Variants in GRID2 observed in about 807,000 individuals in gnomAD.
GRID2 encodes glutamate receptor ionotropic, delta-2.
Under a neutral mutation model 114.8 loss-of-function variants are expected in GRID2, and 33 were observed. The observed-to-expected ratio is 0.29, with a 90% CI of 0.22 to 0.38. GRID2 has a LOEUF of 0.38. Among genes scored for constraint, GRID2 ranks in the 10% least tolerant of loss-of-function variants. The pLI is 1.00. For missense variants in GRID2, 1,184 were observed against 1,257.7 expected (o/e 0.94, Z 0.89); for synonymous variants, 505 against 449.9 (o/e 1.12, Z -1.55).
chr4:92,506,794 G>A (rs547442873), intron 1 of GRID2, among the ~76,000 whole-genome samples: 1 of 151,922 alleles, frequency 6.6e-6, no homozygotes, highest in Non-Finnish European at 1.5e-5. Context: ...ACAATAGGTT[G>A]ATGTGGTATG....
chr4:92,610,672 A>C (rs1265614026), intron 2 of GRID2, among the ~76,000 whole-genome samples: 2 of 151,638 alleles, frequency 1.3e-5, no homozygotes, highest in African/African-American at 2.4e-5. Context: ...CATCACCAAA[A>C]TCCATTTGTA....
At chr4:92,480,054 C>T (rs1460385491) in intron 1 of GRID2, among the ~76,000 whole-genome samples, 1 of 151,942 alleles carries the variant, frequency 6.6e-6, no homozygotes, top group Admixed American at 6.6e-5. Context: ...AACATGTTTT[C>T]CCTTCTGATT....
chr4:93,248,286 A>G (rs1293987650), intron 8 of GRID2, among the ~76,000 whole-genome samples: 1 of 152,218 alleles, frequency 6.6e-6, no homozygotes, highest in Non-Finnish European at 1.5e-5. Context: ...GCATTTGCTC[A>G]TATGGGTACT....
chr4:93,057,033 A>G (rs1462869927), intron 2 of GRID2, among the ~76,000 whole-genome samples: 1 of 151,946 alleles, frequency 6.6e-6, no homozygotes, highest in Non-Finnish European at 1.5e-5. Flanking sequence ...ATTGGTAATG[A>G]GAATAAGCAT....
rs28639512 is a variant in GRID2, at chr4:92,715,525, C to T, written c.244+125239C>T. ...TTTACACTGCTGATAAAGACATACC[C>T]AAGACTGGGCAATTTACAAAAAAAA... On this transcript the variant is annotated intron_variant, in intron 2 of 15. Transcript: ENST00000282020. Among the ~76,000 whole-genome samples, 154 of 152,074 alleles carry T rather than the reference C, an allele frequency of 1.0e-3. 1 individual carries two copies. Among genetic ancestry groups the T allele is most frequent in the African/African-American group, 3.6e-3 (150 of 41,486 alleles).
chr4:93,154,202 A>G (rs920801261), intron 4 of GRID2, among the ~76,000 whole-genome samples: 3 of 152,076 alleles, frequency 2.0e-5, no homozygotes, highest in Non-Finnish European at 2.9e-5. Context: ...TTCAGTTGCT[A>G]TGCACCAGCA....
chr4:92,659,551 C>A (rs559551840), intron 2 of GRID2, among the ~76,000 whole-genome samples: 2 of 151,638 alleles, frequency 1.3e-5, no homozygotes, highest in East Asian at 3.9e-4. Flanking sequence ...AAACAAAAAT[C>A]ATAATACAGT....
At chr4:92,606,849 A>G (rs907995918) in intron 2 of GRID2, among the ~76,000 whole-genome samples, 13 of 152,078 alleles carry the variant, frequency 8.5e-5, no homozygotes, top group African/African-American at 2.4e-4. Flanking sequence ...TGATTGTATT[A>G]TAAAGTCAAT....
At chr4:92,883,380 C>T (rs1746151517) in intron 2 of GRID2, among the ~76,000 whole-genome samples, 1 of 152,136 alleles carries the variant, frequency 6.6e-6, no homozygotes, top group South Asian at 2.1e-4. Context: ...TTCTCAAAGT[C>T]ATCCATGAGG....
intron 8 of GRID2, among the ~76,000 whole-genome samples, chr4:93,326,900 A>G (rs1451066546): frequency 6.6e-5 from 10 of 152,216 alleles, no homozygotes; most frequent in Non-Finnish European, 7.3e-5. Flanking sequence ...TGGATCTGGT[A>G]GTTTTACTTA....
intron 2 of GRID2, among the ~76,000 whole-genome samples, chr4:92,923,776 A>T (rs947210313): frequency 6.6e-5 from 10 of 152,144 alleles, no homozygotes; most frequent in Admixed American, 1.3e-4. Flanking sequence ...CAATACAGAG[A>T]CTGCGACATT....
At chr4:92,709,421 A>G (rs1735112170) in intron 2 of GRID2, among the ~76,000 whole-genome samples, 1 of 151,872 alleles carries the variant, frequency 6.6e-6, no homozygotes, top group Admixed American at 6.6e-5. Flanking sequence ...TCTCAAAATT[A>G]CAGTGTAATG....
intron 2 of GRID2, among the ~76,000 whole-genome samples, chr4:93,051,781 A>C (rs747880334): frequency 1.1e-4 from 16 of 152,004 alleles, no homozygotes; most frequent in Non-Finnish European, 1.9e-4. Flanking sequence ...GTTTCGTTAA[A>C]ACTGTACATG....
intron 14 of GRID2, among the ~76,000 whole-genome samples, chr4:93,686,474 T>C (rs896009924): frequency 1.3e-5 from 2 of 150,994 alleles, no homozygotes; most frequent in Non-Finnish European, 2.9e-5. Flanking sequence ...GCTTAAGATA[T>C]AGAAGTAAAC....
intron 14 of GRID2, among the ~76,000 whole-genome samples, chr4:93,676,396 A>G (rs1194774149): frequency 6.6e-6 from 1 of 152,244 alleles, no homozygotes; most frequent in African/African-American, 2.4e-5. Flanking sequence ...AGAAGAAGAT[A>G]GAGTAGCATA....
intron 2 of GRID2, among the ~76,000 whole-genome samples, chr4:92,872,695 T>C (rs2149447867): frequency 6.6e-6 from 1 of 152,250 alleles, no homozygotes; most frequent in African/African-American, 2.4e-5. Context: ...TTATAGGAAA[T>C]TTGAACAGAA....
rs184273999 is a variant in GRID2, at chr4:93,522,982, A to G, written c.2193+7571A>G. Among the ~76,000 whole-genome samples, 28 of 152,282 alleles carry G rather than the reference A, an allele frequency of 1.8e-4. No individual in the cohort carries two copies. In the East Asian group the frequency reaches 5.2e-3, roughly 29 times the overall value. On this transcript the variant is annotated intron_variant, in intron 13 of 15. Coordinates refer to ENST00000282020, the MANE Select transcript of GRID2 (RefSeq NM_001510.4). Reference sequence around the variant, plus strand: ...AGTGACAGAAAGCCAAGTGATAAAAATATTCAAATAATGTTGGAGGAGTGT... The same window carrying G: ...AGTGACAGAAAGCCAAGTGATAAAAGTATTCAAATAATGTTGGAGGAGTGT...
At chr4:92,695,472 C>T (rs910316488) in intron 2 of GRID2, among the ~76,000 whole-genome samples, 1 of 151,824 alleles carries the variant, frequency 6.6e-6, no homozygotes, top group African/African-American at 2.4e-5. Flanking sequence ...CATATTTTAT[C>T]TGAATAATTT....
chr4:92,710,996 T>C (rs1735218442), intron 2 of GRID2, among the ~76,000 whole-genome samples: 1 of 152,026 alleles, frequency 6.6e-6, no homozygotes, highest in African/African-American at 2.4e-5. Flanking sequence ...TTATTTATTA[T>C]TTATAAATCT....
Sources: allele counts gnomAD v4.1 joint callset (sites outside exome capture counted in the v4.1 genomes callset), GRCh38; gene constraint gnomAD v4.1.1; transcripts MANE v1.5; gene names NCBI Gene and HGNC (gene_info 2026-07-23, HGNC 2026-07-21).